The following NIN variants were observed in gnomAD, a reference collection of about 807,000 sequenced individuals.
NIN encodes glycogen synthase kinase 3 beta-interacting protein.
In NIN, 137 loss-of-function variants were observed where a neutral mutation model predicts 257.6. The observed-to-expected ratio is 0.53, with a 90% CI of 0.46 to 0.61. The LOEUF (loss-of-function observed/expected upper bound fraction) is 0.61, where lower values mean the gene tolerates loss of function less well. Among genes scored for constraint, NIN ranks in the 20% least tolerant of loss-of-function variants. The pLI, the probability that NIN is intolerant of heterozygous loss-of-function variation, is 0.00. For missense variants in NIN, 2,439 were observed against 2,501.2 expected (o/e 0.98, Z 0.53); for synonymous variants, 918 against 919.8 (o/e 1.00, Z 0.04).
Position 50,738,174 on chromosome 14 carries a change from T to C in NIN, c.5741A>G (p.Gln1914Arg). ...EKLSLKRECD[Q>R]FQKEQSPANR... ...AGCAGGAGATTGTTCTTTCTGAAAC[T>C]GATCACACTCTCTCTTTAAGCTCAA... Residue 1914 changes from glutamine (Q) to arginine (R), a missense_variant, in exon 27 of 31, where the codon CAG becomes CGG. Transcript: ENST00000530997. 6.2e-7 allele frequency: 1 copy of C among 1,614,206 alleles called. No homozygotes were observed. The highest frequency in any genetic ancestry group is 8.5e-7 in the Non-Finnish European group (1 of 1,180,034).
intron 3 of NIN, among the ~76,000 whole-genome samples, chr14:50,821,369 C>T (rs186062225): frequency 6.6e-6 from 1 of 152,312 alleles, no homozygotes; most frequent in African/African-American, 2.4e-5. Context: ...GGAAGCAAGC[C>T]GTGCTGGGTT....
chr14:50,770,940 C>G lies in NIN; in HGVS notation c.1171G>C (p.Asp391His), dbSNP rs751607460. 1.2e-6 allele frequency: 2 copies of G among 1,614,210 alleles called. No individual in the cohort carries two copies. The highest frequency in any genetic ancestry group is 1.7e-6 in the Non-Finnish European group (2 of 1,180,026). ...AAAGACTTGAGCTTCTCGGCCTTGT[C>G]CAGATCTGACCGTAGCTTCTCTTTT... is the stretch of plus-strand genomic sequence containing the variant. ...REKEKLRSDL[D>H]KAEKLKSLMA... Residue 391 changes from aspartate to histidine, a missense_variant, in exon 11 of 31, where the codon GAC (aspartate) becomes CAC (histidine). By Grantham distance (81) the Asp-to-His change is moderately conservative. This residue lies in a region of NIN where 2,043 missense variants were observed against 2,050.2 expected (regional missense o/e 1.00). Transcript: ENST00000530997.
In NIN at chr14:50,741,529, T is replaced by A. The variant is rs946601029; in HGVS notation, c.5448+53A>T. 5 of 1,531,368 alleles carry A rather than the reference T, an allele frequency of 3.3e-6. No homozygotes were observed. In the African/African-American group the frequency reaches 6.9e-5, roughly 21 times the overall value. 94.9% of individuals were successfully genotyped at this position (1,531,368 alleles called of 1,614,324 possible). ...AAAAATAACCAAGTTGTCCTAAGAT[T>A]TGTATACTTTACTGTAAATAACTTA... On this transcript the variant is annotated intron_variant, in intron 25 of 30. Coordinates refer to ENST00000530997, the MANE Select transcript of NIN (RefSeq NM_020921.4).
At chr14:50,783,156 G>A (rs2043203199) in intron 5 of NIN, among the ~76,000 whole-genome samples, 1 of 151,994 alleles carries the variant, frequency 6.6e-6, no homozygotes, top group South Asian at 2.1e-4. Context: ...CCACGCTCAG[G>A]TGATCCTCCG....
intron 17 of NIN, 76 bp from the exon 18 acceptor site, chr14:50,758,706 A>G: frequency 1.5e-6 from 2 of 1,369,186 alleles, no homozygotes; most frequent in East Asian, 2.3e-5. Context: ...TTTCCCATGC[A>G]CTGAGAAAGC....
chr14:50,777,575 T>A (rs965849074), intron 6 of NIN, among the ~76,000 whole-genome samples: 1 of 152,170 alleles, frequency 6.6e-6, no homozygotes, highest in Non-Finnish European at 1.5e-5. Flanking sequence ...CAGCATCTTT[T>A]ACTGAAAAGA....
Position 50,720,577 on chromosome 14 carries a change from G to A in NIN, c.*2886C>T, listed in dbSNP as rs1055013660. 1.5e-5 allele frequency: 3 copies of A among 206,850 alleles called. No individual in the cohort carries two copies. Among genetic ancestry groups the A allele is most frequent in the African/African-American group, 6.8e-5 (3 of 43,910 alleles). 12.8% of individuals were successfully genotyped at this position (206,850 alleles called of 1,614,324 possible). A position where few individuals can be genotyped will look rare whatever the true frequency, so the allele number is the denominator to read the frequency against. On this transcript the variant is annotated 3_prime_UTR_variant, in exon 31 of 31. Transcript: ENST00000530997. Reference sequence around the variant, plus strand: ...TCTATTCATGAAAAATATGCCGAAGGCTAAATATGCAATGCATTGAAATTT... The same window carrying A: ...TCTATTCATGAAAAATATGCCGAAGACTAAATATGCAATGCATTGAAATTT...
chr14:50,752,396 A>G, intron 21 of NIN, 122 bp downstream of exon 21: 1 of 700,718 alleles, frequency 1.4e-6, no homozygotes, highest in Non-Finnish European at 2.4e-6. Flanking sequence ...TTATCTATTC[A>G]TGTGCCAGGA....
At chr14:50,805,720 T>C (rs79119928) in intron 4 of NIN, among the ~76,000 whole-genome samples, 6,142 of 152,304 alleles carry the variant, frequency 0.04, 138 homozygotes, top group Non-Finnish European at 0.045. Context: ...GATGTTCTCT[T>C]TTTTAAAGTA....
chr14:50,763,738 G>A, intron 15 of NIN, 88 bp downstream of exon 15: 2 of 1,038,796 alleles, frequency 1.9e-6, no homozygotes, highest in Non-Finnish European at 2.7e-6. Context: ...CTTTTTTCAA[G>A]TTGCCAAAGC....
At chr14:50,745,696 C>T (rs1288417729) in intron 22 of NIN, among the ~76,000 whole-genome samples, 1 of 152,210 alleles carries the variant, frequency 6.6e-6, no homozygotes, top group Non-Finnish European at 1.5e-5. Flanking sequence ...GGACCTTCTA[C>T]TTTATCCACT....
chr14:50,763,241 G>A (rs547477477), intron 15 of NIN, among the ~76,000 whole-genome samples: 5 of 151,972 alleles, frequency 3.3e-5, no homozygotes, highest in Admixed American at 3.3e-4. Flanking sequence ...GCTATCAGGA[G>A]AGAGGAAAGG....
chr14:50,773,173 A>T, intron 7 of NIN, 78 bp from the exon 8 acceptor site: 2 of 1,138,720 alleles, frequency 1.8e-6, no homozygotes, highest in South Asian at 2.8e-5. Context: ...GCCAGTAGTA[A>T]TCAGTACCAT....
intron 5 of NIN, among the ~76,000 whole-genome samples, chr14:50,787,062 C>G (rs1437814738): frequency 6.6e-6 from 1 of 152,188 alleles, no homozygotes; most frequent in Non-Finnish European, 1.5e-5. Context: ...CAGTAATCAG[C>G]TTTAACTTTT....
At chr14:50,827,639 C>T (rs756333783) in intron 2 of NIN, among the ~76,000 whole-genome samples, 14 of 151,020 alleles carry the variant, frequency 9.3e-5, no homozygotes, top group Middle Eastern at 3.4e-3. Context: ...CACCTGTAAT[C>T]CCAGCTACTC....
Position 50,727,586 on chromosome 14 carries a change from C to T in NIN, c.6079-1520G>A, listed in dbSNP as rs1595693336. On this transcript the variant is annotated intron_variant, in intron 29 of 30. Coordinates refer to ENST00000530997, the MANE Select transcript of NIN (RefSeq NM_020921.4). ...AAATAATTTAAAAGAGCACTTAATT[C>T]CAACATATCTTAGCTTATGTCTCTG... The T allele has an allele frequency of 3.7e-6, 5 of 1,369,144 alleles. No homozygotes were observed. The East Asian group carries it at 1.3e-4, about 35-fold the overall frequency. 84.8% of individuals were successfully genotyped at this position (1,369,144 alleles called of 1,614,324 possible).
chr14:50,738,037 G>C (rs2041083938), intron 27 of NIN, 103 bp downstream of exon 27: 4 of 1,148,004 alleles, frequency 3.5e-6, no homozygotes, highest in Non-Finnish European at 5.0e-6. Context: ...GCCAAAATAT[G>C]CCATCGTAAT....
chr14:50,747,750 A>AG lies in NIN; in HGVS notation c.5064+241dup, dbSNP rs533666591. ...AAGGAAACTGTCTTAAAAAAAAAAA[A>AG]GGGGGGGATTTTAGAGTGTACAACA... On this transcript the variant is annotated intron_variant, in intron 22 of 30. Transcript: ENST00000530997. Among the ~76,000 whole-genome samples, 52,557 of 145,110 alleles carry AG rather than the reference A, an allele frequency of 0.36. 9,712 individuals carry two copies. Among genetic ancestry groups the AG allele is most frequent in the Middle Eastern group, 0.44 (128 of 290 alleles).
chr14:50,808,193 G>C (rs2044416999), intron 3 of NIN, among the ~76,000 whole-genome samples: 1 of 151,938 alleles, frequency 6.6e-6, no homozygotes, highest in Admixed American at 6.5e-5. Context: ...GTAAACGACT[G>C]TAGAAAGGTA....
Sources: gnomAD v4.1 joint callset for allele counts (sites outside exome capture counted in the v4.1 genomes callset) on GRCh38, gnomAD v4.1.1 for gene constraint, gnomAD v4.1.1 regional missense constraint, MANE v1.5 for transcripts, NCBI Gene and HGNC (gene_info 2026-07-23, HGNC 2026-07-21) for gene names.